WDR11: variants seen among roughly 807,000 people sequenced by gnomAD.
The protein encoded by WDR11 is WD repeat-containing protein 11.
WDR11 carries 83 observed loss-of-function variants against 151.2 expected under a neutral mutation model. The ratio of observed to expected loss-of-function variants is 0.55; its 90% CI spans 0.46 to 0.66. The LOEUF (loss-of-function observed/expected upper bound fraction) is 0.66, where lower values mean the gene tolerates loss of function less well. Ranked by LOEUF, WDR11 falls within the 30% of genes least tolerant of loss-of-function variation. The probability of loss-of-function intolerance (pLI) is 0.00; values close to 1 mark genes in which losing one functional copy is unlikely to be tolerated. For missense variants in WDR11, 1,301 were observed against 1,480.9 expected (o/e 0.88, Z 1.99); for synonymous variants, 484 against 533.1 (o/e 0.91, Z 1.27).
chr10:120,909,254 G>A lies in WDR11; in HGVS notation c.*541G>A, dbSNP rs1425346557. On this transcript the variant is annotated 3_prime_UTR_variant, in exon 29 of 29. Transcript: ENST00000263461. Reference sequence around the variant, plus strand: ...CAGAACCGTTAATTCCTTGGTTTAAGCAGTTGCTAAGTTTTGTAATTTTAG... The same window carrying A: ...CAGAACCGTTAATTCCTTGGTTTAAACAGTTGCTAAGTTTTGTAATTTTAG... 1 of 156,406 alleles carries A rather than the reference G, an allele frequency of 6.4e-6. No individual in the cohort carries two copies. The highest frequency in any genetic ancestry group is 1.4e-5 in the Non-Finnish European group (1 of 70,416). The allele number at this position is 156,406 out of a possible 1,614,324, so 9.7% of individuals were successfully genotyped here.
chr10:120,854,274 T>C (rs1845875092), intron 2 of WDR11, among the ~76,000 whole-genome samples: 1 of 152,212 alleles, frequency 6.6e-6, no homozygotes, highest in Non-Finnish European at 1.5e-5. Flanking sequence ...AATTGAATCA[T>C]ATAATTTGTG....
Position 120,867,156 on chromosome 10 carries a change from A to G in WDR11, c.1281A>G (p.Leu427=), listed in dbSNP as rs769583405. The G allele has an allele frequency of 2.5e-5, 40 of 1,613,022 alleles. No individual in the cohort carries two copies. The highest frequency in any genetic ancestry group is 3.4e-5 in the Non-Finnish European group (40 of 1,179,256). Residue 427 remains leucine (L), a synonymous_variant, in exon 9 of 29, where the codon TTA becomes TTG. Transcript: ENST00000263461. ...AGAATAAACTCCCAGACCTTTCCTT[A>G]GATAACATGATTGGTAAGCTTTTTT... ...VLQNKLPDLS[L]DNMIGQSAIA... is the part of the protein sequence containing the mutation.
At chr10:120,901,428 C>T (rs568003410) in intron 21 of WDR11, among the ~76,000 whole-genome samples, 7 of 152,292 alleles carry the variant, frequency 4.6e-5, no homozygotes, top group Admixed American at 1.3e-4. Flanking sequence ...TGAAGCCTCA[C>T]AGCGGGAGAC....
intron 25 of WDR11, 99 bp from the exon 26 acceptor site, chr10:120,905,220 G>T: frequency 8.8e-7 from 1 of 1,137,708 alleles, no homozygotes; most frequent in Non-Finnish European, 1.3e-6. Flanking sequence ...GTATAAAATG[G>T]GCACGACTAG....
At chr10:120,874,169 T>C (rs976922374) in intron 11 of WDR11, among the ~76,000 whole-genome samples, 1 of 111,130 alleles carries the variant, frequency 9.0e-6, no homozygotes, top group Admixed American at 9.7e-5. Context: ...TAATTGCGGT[T>C]TTTGCAGTTT....
chr10:120,864,171 A>C (rs1282155835), intron 5 of WDR11, among the ~76,000 whole-genome samples: 1 of 152,132 alleles, frequency 6.6e-6, no homozygotes, highest in African/African-American at 2.4e-5. Context: ...CAAATAAGGA[A>C]AACTGAGTCC....
chr10:120,851,448 G>T lies in WDR11; in HGVS notation c.28G>T (p.Val10Leu), dbSNP rs763614135. The T allele has an allele frequency of 1.9e-6, 3 of 1,612,130 alleles. No individual in the cohort carries two copies. The African/African-American group carries it at 4.0e-5, about 22-fold the overall frequency. Reference sequence around the variant, plus strand: ...GTTGCCCTACACAGTGAACTTCAAGGTGTCGGCGCGCACCCTCACGGGGGC... The same window carrying T: ...GTTGCCCTACACAGTGAACTTCAAGTTGTCGGCGCGCACCCTCACGGGGGC... MLPYTVNFK[V>L]SARTLTGALN... The change falls in exon 1 of 29, where the codon GTG becomes TTG. Residue 10 changes from valine to leucine, a missense_variant. Val to Leu is a conservative substitution (Grantham distance 32, BLOSUM62 1). Coordinates refer to ENST00000263461, the MANE Select transcript of WDR11 (RefSeq NM_018117.12).
At chr10:120,905,504 T>G (rs1391815256) in intron 26 of WDR11, 88 bp downstream of exon 26, 59 of 1,437,478 alleles carry the variant, frequency 4.1e-5, no homozygotes, top group Non-Finnish European at 5.3e-5. Flanking sequence ...TTAGAAACAT[T>G]TTTTGGCCTG....
In WDR11 at chr10:120,866,567, A is replaced by G; in HGVS notation, c.995-2A>G. 1 of 1,614,150 alleles carries G rather than the reference A, an allele frequency of 6.2e-7. No individual in the cohort carries two copies. Among genetic ancestry groups the G allele is most frequent in the Middle Eastern group, 1.6e-4 (1 of 6,062 alleles). On this transcript the variant is annotated splice_acceptor_variant, in intron 7 of 28. Coordinates refer to ENST00000263461, the MANE Select transcript of WDR11 (RefSeq NM_018117.12). LOFTEE classifies it high-confidence loss of function. ...TGATATTTAAAACAATTTTATGTGA[A>G]GATCCAGATCCAGTTCAGGAGCTTA...
chr10:120,879,403 T>C (rs2133772700), intron 12 of WDR11: 1 of 152,270 alleles, frequency 6.6e-6, no homozygotes, highest in Non-Finnish European at 1.5e-5. Flanking sequence ...GTCCACTGAC[T>C]CTCATCCCCA....
chr10:120,878,534 T>A, intron 12 of WDR11, 75 bp downstream of exon 12: 3 of 1,234,762 alleles, frequency 2.4e-6, no homozygotes, highest in Admixed American at 1.8e-5. Flanking sequence ...TGTTTGAAAG[T>A]ACTTCTTTCA....
rs751379436 is a variant in WDR11 at position 120,905,416 on chromosome 10, A to G, written c.3291A>G (p.Lys1097=). ...GEWNRAAWLA[K]VRLNPEECAD... is the part of the protein sequence containing the mutation. ...GGAATCGGGCTGCATGGCTGGCAAA[A>G]GTAGGTGGTTCCAAGTTTCAATAGG... The change falls in exon 26 of 29, where the codon AAA becomes AAG. Residue 1097 remains lysine, a splice_region_variant and synonymous_variant. Transcript: ENST00000263461. 1.9e-6 allele frequency: 3 copies of G among 1,614,056 alleles called. No homozygotes were observed. Among genetic ancestry groups the G allele is most frequent in the Non-Finnish European group, 2.5e-6 (3 of 1,180,044 alleles).
At chr10:120,876,405 C>A (rs568816532) in intron 11 of WDR11, among the ~76,000 whole-genome samples, 1 of 152,306 alleles carries the variant, frequency 6.6e-6, no homozygotes, top group South Asian at 2.1e-4. Context: ...TGCCACCTTA[C>A]GCTGTTCCTA....
intron 19 of WDR11, among the ~76,000 whole-genome samples, chr10:120,897,126 C>T (rs975209663): frequency 1.3e-5 from 2 of 152,058 alleles, no homozygotes; most frequent in Admixed American, 6.6e-5. Flanking sequence ...CTGAGCATCA[C>T]GAAAACTAAT....
In WDR11 at chr10:120,906,006, CAG is replaced by C; in HGVS notation, c.3426_3427del (p.Glu1142AspfsTer9). On this transcript the variant is annotated frameshift_variant, in exon 27 of 29. Coordinates refer to ENST00000263461, the MANE Select transcript of WDR11 (RefSeq NM_018117.12). LOFTEE classifies it high-confidence loss of function. ...TCTCTGGGCTGCTTTTTTAGCGTGG[CAG>C]AGACGCTTCACAGGTAAACCGAGAG... 6.2e-7 allele frequency: 1 copy of C among 1,613,804 alleles called. No individual in the cohort carries two copies. The highest frequency in any genetic ancestry group is 8.5e-7 in the Non-Finnish European group (1 of 1,180,030).
intron 23 of WDR11, 75 bp from the exon 24 acceptor site, chr10:120,903,971 AT>A (rs1173945018): frequency 1.0e-6 from 1 of 978,130 alleles, no homozygotes; most frequent in African/African-American, 1.7e-5. Context: ...AAATGATCTT[AT>A]TAAGTACAGT....
intron 13 of WDR11, among the ~76,000 whole-genome samples, chr10:120,882,298 A>T (rs1847036955): frequency 6.6e-6 from 1 of 152,028 alleles, no homozygotes; most frequent in Admixed American, 6.6e-5. Context: ...ATGATATATT[A>T]TTAAGAGTTT....
intron 1 of WDR11, chr10:120,851,733 G>A (rs1417780809): frequency 1.2e-5 from 7 of 606,582 alleles, no homozygotes; most frequent in Non-Finnish European, 1.8e-5. Flanking sequence ...TCTTTCTCGC[G>A]TATTTCTCTG....
Position 120,865,673 on chromosome 10 carries a change from A to C in WDR11, c.923A>C (p.Glu308Ala), listed in dbSNP as rs1457942165. 6.2e-7 allele frequency: 1 copy of C among 1,610,948 alleles called. No homozygotes were observed. The highest frequency in any genetic ancestry group is 8.5e-7 in the Non-Finnish European group (1 of 1,179,274). ...FQRDGLFCLH[E>A]NGCITLRVRR... The stretch of plus-strand genomic sequence containing the variant: ...CGTGATGGTTTATTTTGTCTACATG[A>C]AAATGGTTGTATAACTTTACGTGTT... The change falls in exon 7 of 29, where the codon GAA becomes GCA. Residue 308 changes from glutamate (E) to alanine (A), a missense_variant. Physicochemically the swap from Glu to Ala is moderately radical, Grantham distance 107. This residue lies in a region of WDR11 where 692 missense variants were observed against 762.5 expected (regional missense o/e 0.91). Transcript: ENST00000263461.
Sources: allele counts gnomAD v4.1 joint callset (sites outside exome capture counted in the v4.1 genomes callset), GRCh38; gene constraint gnomAD v4.1.1; regional missense constraint gnomAD v4.1.1; transcripts MANE v1.5; gene names NCBI Gene and HGNC (gene_info 2026-07-23, HGNC 2026-07-21).